NDRG2: variants seen among roughly 807,000 people sequenced by gnomAD.
NDRG2 encodes the protein NDRG family member 2.
Under a neutral mutation model 58.2 loss-of-function variants are expected in NDRG2, and 34 were observed. That is an observed-to-expected ratio of 0.58 (90% CI 0.44 to 0.78). The LOEUF (loss-of-function observed/expected upper bound fraction) is 0.78, where lower values mean the gene tolerates loss of function less well. Ranked by LOEUF, NDRG2 falls within the 30% of genes least tolerant of loss-of-function variation. The probability of loss-of-function intolerance (pLI) is 0.00; values close to 1 mark genes in which losing one functional copy is unlikely to be tolerated. For synonymous variants in NDRG2, 187 were observed against 175.9 expected (o/e 1.06, Z -0.50); for missense variants, 434 against 471.2 (o/e 0.92, Z 0.73).
chr14:21,034,285 C>T (rs1371726435), intron 1 of NDRG2: 1 of 1,607,094 alleles, frequency 6.2e-7, no homozygotes, highest in Non-Finnish European at 8.5e-7. Context: ...ACAGCTGGTG[C>T]CATTCCTCCT....
At chr14:21,043,258 C>T in intron 1 of NDRG2, 1 of 1,614,228 alleles carries the variant, frequency 6.2e-7, no homozygotes, top group Non-Finnish European at 8.5e-7. Flanking sequence ...CCCAAAATAG[C>T]CTGCAAGAAT....
At chr14:21,027,844 G>A (rs1307973632), upstream of NDRG2, among the ~76,000 whole-genome samples, 1 of 152,202 alleles carries the variant, frequency 6.6e-6, no homozygotes, top group Non-Finnish European at 1.5e-5. Flanking sequence ...ACCACCAAAT[G>A]AGAAGTGCAA....
upstream of NDRG2, chr14:21,028,361 C>T (rs1355163647): frequency 6.6e-6 from 1 of 152,120 alleles, no homozygotes; most frequent in African/African-American, 2.4e-5. Flanking sequence ...AAGCAATCCT[C>T]CCACTTCAGC....
intron 1 of NDRG2, among the ~76,000 whole-genome samples, chr14:21,067,848 C>CTTAT (rs1886354961): frequency 6.6e-6 from 1 of 152,110 alleles, no homozygotes; most frequent in African/African-American, 2.4e-5. Context: ...CCACATGTCA[C>CTTAT]TTACTTACTT....
chr14:21,031,331 G>A (rs1306269366), intron 1 of NDRG2: 3 of 863,364 alleles, frequency 3.5e-6, no homozygotes, highest in African/African-American at 3.4e-5. Flanking sequence ...CCAGAGAAGG[G>A]AAGTGACTTG....
chr14:21,021,640 C>A (rs1044321360), intron 6 of NDRG2, 177 bp downstream of exon 6: 11 of 708,152 alleles, frequency 1.6e-5, no homozygotes, highest in Non-Finnish European at 2.6e-5. Context: ...TTGACTCTGG[C>A]CAATTTTCCA....
In NDRG2 at chr14:21,020,539, A is replaced by G. The variant is rs1879595407; in HGVS notation, c.512T>C (p.Ile171Thr). ...CATCCAACCCTTGGCATTGGGATCA[A>G]TGTTGATGAGGACAAGACCTTCAAC... ...DTVEGLVLIN[I>T]DPNAKGWMDW... The change falls in exon 8 of 16, where the codon ATT becomes ACT. Residue 171 changes from isoleucine to threonine, a missense_variant. Physicochemically the swap from Ile to Thr is moderately conservative, Grantham distance 89. Transcript: ENST00000556147. 6.2e-7 allele frequency: 1 copy of G among 1,613,694 alleles called. No homozygotes were observed. The highest frequency in any genetic ancestry group is 8.5e-7 in the Non-Finnish European group (1 of 1,179,952).
intron 1 of NDRG2, among the ~76,000 whole-genome samples, chr14:21,038,500 T>C (rs1226075093): frequency 6.6e-6 from 1 of 152,214 alleles, no homozygotes; most frequent in Non-Finnish European, 1.5e-5. Flanking sequence ...GAGAAAGTTT[T>C]CCTGAAGGGT....
chr14:21,042,146 T>C (rs1884926734), intron 1 of NDRG2: 1 of 152,222 alleles, frequency 6.6e-6, no homozygotes, highest in Non-Finnish European at 1.5e-5. Flanking sequence ...AGGGAACAAA[T>C]ACAGTCTTCG....
upstream of NDRG2, chr14:21,025,590 G>A (rs975288952): frequency 2.0e-6 from 2 of 985,336 alleles, no homozygotes; most frequent in African/African-American, 3.5e-5. This position sits in a 1 kb window ranked among gnomAD's most constrained non-coding sequence, Gnocchi z 5.1. Context: ...CGGCTGGCAG[G>A]GGCAGGTGTG....
At chr14:21,026,987 C>T (rs911980724), upstream of NDRG2, among the ~76,000 whole-genome samples, 1 of 152,110 alleles carries the variant, frequency 6.6e-6, no homozygotes, top group Admixed American at 6.5e-5. Context: ...TGTCAAAAGT[C>T]GTCTTACTTG....
At position 21,031,130 on chromosome 14, in the gene NDRG2, A is replaced by T. The variant is rs1315949260; in HGVS notation, c.25-7809T>A. ...AGTCCTGGAGAACATTTATGGACTCATGGAGGGCAAAGACCCAGCCACCAC... is the reference window on the plus strand; with the variant it reads ...AGTCCTGGAGAACATTTATGGACTCTTGGAGGGCAAAGACCCAGCCACCAC... On this transcript the variant is annotated intron_variant, in intron 1 of 14. Transcript: ENST00000403829. 11 of 1,614,032 alleles carry T rather than the reference A, an allele frequency of 6.8e-6. No homozygotes were observed. In the Admixed American group the frequency reaches 1.8e-4, roughly 27 times the overall value.
upstream of NDRG2, chr14:21,025,760 G>A (rs1343188259): frequency 2.1e-6 from 2 of 931,718 alleles, no homozygotes; most frequent in Non-Finnish European, 2.6e-6. The surrounding 1 kb of genome is among the most constrained non-coding windows in gnomAD (Gnocchi z 5.1). Context: ...GGTGGGGGCG[G>A]GGAATGCGGG....
chr14:21,052,778 A>G (rs1404240100), intron 1 of NDRG2, among the ~76,000 whole-genome samples: 14 of 152,222 alleles, frequency 9.2e-5, no homozygotes, highest in Admixed American at 5.2e-4. Flanking sequence ...ATATTTTAAC[A>G]AGATCCATCC....
chr14:21,039,728 C>T (rs1020508001), intron 1 of NDRG2, among the ~76,000 whole-genome samples: 3 of 152,304 alleles, frequency 2.0e-5, no homozygotes, highest in South Asian at 2.1e-4. Flanking sequence ...GACTCAATTT[C>T]GATTTTCATG....
upstream of NDRG2, among the ~76,000 whole-genome samples, chr14:21,026,646 G>C (rs554116225): frequency 6.6e-6 from 1 of 151,912 alleles, no homozygotes; most frequent in Non-Finnish European, 1.5e-5. Flanking sequence ...AAAACTGGTC[G>C]GGCTAAAACC....
intron 1 of NDRG2, chr14:21,035,845 C>A (rs1214408608): frequency 4.4e-6 from 2 of 456,258 alleles, no homozygotes; most frequent in Non-Finnish European, 8.8e-6. Flanking sequence ...GACCCCTCCA[C>A]CTCCCCAATC....
At chr14:21,032,371 A>G (rs1176998994) in intron 1 of NDRG2, 1 of 492,650 alleles carries the variant, frequency 2.0e-6, no homozygotes, top group Non-Finnish European at 3.9e-6. Flanking sequence ...GAGATGAACC[A>G]GATGTGGAGG....
chr14:21,017,815 G>C lies in NDRG2; in HGVS notation c.950-53C>G, dbSNP rs1877579471. On this transcript the variant is annotated intron_variant, in intron 15 of 15. Transcript: ENST00000556147. ...GTCAGAGAGGAAGTGGGGAAGGGGGGCTGGCGACTCAGGGTGTGGTCCTTG... is the reference window on the plus strand; with the variant it reads ...GTCAGAGAGGAAGTGGGGAAGGGGGCCTGGCGACTCAGGGTGTGGTCCTTG... The C allele has an allele frequency of 2.5e-6, 4 of 1,605,228 alleles. No homozygotes were observed. In the South Asian group the frequency reaches 4.4e-5, roughly 18 times the overall value.
Sources: gnomAD v4.1 joint callset for allele counts (sites outside exome capture counted in the v4.1 genomes callset) on GRCh38, gnomAD v4.1.1 for gene constraint, Gnocchi (gnomAD v3.1) non-coding constraint, MANE v1.5 for transcripts, NCBI Gene and HGNC (gene_info 2026-07-23, HGNC 2026-07-21) for gene names.